Variants in RALGPS2 observed in about 807,000 individuals in gnomAD.
RALGPS2 encodes ras-specific guanine nucleotide-releasing factor RalGPS2.
A neutral mutation model predicts 86.8 loss-of-function variants in RALGPS2; 43 were observed. That is an observed-to-expected ratio of 0.50 (90% confidence interval 0.39 to 0.64). RALGPS2 has a LOEUF of 0.64. RALGPS2 is among the 30% of genes least tolerant of loss of function. RALGPS2 has a pLI of 0.00. For missense variants in RALGPS2, 536 were observed against 694.6 expected (o/e 0.77, Z 2.57); for synonymous variants, 243 against 231.3 (o/e 1.05, Z -0.46).
chr1:178,831,579 G>A (rs1211462460), intron 7 of RALGPS2, among the ~76,000 whole-genome samples: 3 of 151,964 alleles, frequency 2.0e-5, no homozygotes, highest in Non-Finnish European at 4.4e-5. Context: ...TGCTCTTGGT[G>A]CCAAGGACAT....
chr1:178,889,280 AT>A (rs1659619308), intron 13 of RALGPS2, among the ~76,000 whole-genome samples: 1 of 152,020 alleles, frequency 6.6e-6, no homozygotes, highest in Admixed American at 6.6e-5. Flanking sequence ...ATCGTCAAGG[AT>A]TTTATAATTA....
In RALGPS2 at chr1:178,783,698, T is replaced by C. The variant is rs544667565; in HGVS notation, c.58-720T>C. Among the ~76,000 whole-genome samples, 3 of 152,310 alleles carry C rather than the reference T, an allele frequency of 2.0e-5. No individual in the cohort carries two copies. In the South Asian group the frequency reaches 6.2e-4, roughly 32 times the overall value. ...TATCCTACCACCATTTAATAGAGCC[T>C]GATCTAAATATTCTCATATTGATGT... On this transcript the variant is annotated intron_variant, in intron 2 of 19. Transcript: ENST00000367635.
intron 1 of RALGPS2, chr1:178,747,892 C>T: frequency 1.8e-6 from 1 of 546,224 alleles, no homozygotes; most frequent in Non-Finnish European, 3.3e-6. Flanking sequence ...AATCAGTGAA[C>T]TAGCACTACC....
Position 178,864,983 on chromosome 1 carries a change from T to C in RALGPS2, c.608-12515T>C, listed in dbSNP as rs1269461549. 2 of 1,468,816 alleles carry C rather than the reference T, an allele frequency of 1.4e-6. No individual in the cohort carries two copies. The highest frequency in any genetic ancestry group is 1.4e-5 in the African/African-American group (1 of 70,936). The allele number at this position is 1,468,816 out of a possible 1,614,324, so 91.0% of individuals were successfully genotyped here. On this transcript the variant is annotated intron_variant, in intron 8 of 19. Transcript: ENST00000367635. ...ATTGATGAAAGTTACCGGTGGTATC[T>C]TGAAAGGGCTTTTGGTGGGAGAAGT...
chr1:178,770,860 C>T (rs1234735906), intron 1 of RALGPS2, among the ~76,000 whole-genome samples: 8 of 121,928 alleles, frequency 6.6e-5, no homozygotes, highest in African/African-American at 9.6e-5. Context: ...TTTTTTGAGA[C>T]GGAGTTTTGC....
intron 8 of RALGPS2, among the ~76,000 whole-genome samples, chr1:178,876,504 C>T (rs553928774): frequency 3.3e-5 from 5 of 151,854 alleles, no homozygotes; most frequent in Admixed American, 6.6e-5. Context: ...ATATTGACAC[C>T]GAATTAGATA....
chr1:178,815,852 C>G (rs1319159824), intron 6 of RALGPS2, among the ~76,000 whole-genome samples: 1 of 152,196 alleles, frequency 6.6e-6, no homozygotes, highest in Non-Finnish European at 1.5e-5. Context: ...CTACAGAAAG[C>G]TATTACTTGT....
intron 19 of RALGPS2, among the ~76,000 whole-genome samples, chr1:178,911,330 G>A (rs1434629218): frequency 6.6e-6 from 1 of 151,698 alleles, no homozygotes; most frequent in Non-Finnish European, 1.5e-5. Flanking sequence ...TGTTTTTCTA[G>A]TTCCTCAAGG....
chr1:178,867,518 CA>C (rs1267572479), intron 8 of RALGPS2, among the ~76,000 whole-genome samples: 4 of 152,036 alleles, frequency 2.6e-5, no homozygotes, highest in Non-Finnish European at 5.9e-5. Context: ...AAATGGGATT[CA>C]AACCTTCTAC....
chr1:178,893,266 AC>A (rs1337129321), intron 15 of RALGPS2, among the ~76,000 whole-genome samples: 1 of 151,456 alleles, frequency 6.6e-6, no homozygotes, highest in African/African-American at 2.4e-5. Context: ...TTTAAAAGAT[AC>A]ATGAAAAGGA....
At chr1:178,824,276 A>G (rs927939348) in intron 7 of RALGPS2, among the ~76,000 whole-genome samples, 11 of 152,138 alleles carry the variant, frequency 7.2e-5, no homozygotes. Context: ...ATTTTACTGT[A>G]AAGGGCTGCA....
intron 12 of RALGPS2, 135 bp downstream of exon 12, chr1:178,885,346 A>G (rs1659438096): frequency 5.8e-6 from 5 of 863,438 alleles, no homozygotes; most frequent in Non-Finnish European, 8.4e-6. Flanking sequence ...CTGATTCAGT[A>G]AAATGCCTTG....
chr1:178,835,514 TCC>T (rs1656232424), intron 8 of RALGPS2, among the ~76,000 whole-genome samples: 1 of 149,904 alleles, frequency 6.7e-6, no homozygotes, highest in African/African-American at 2.4e-5. Flanking sequence ...TGCCTCAGCC[TCC>T]CAGGTAGCTG....
chr1:178,738,666 A>G (rs1417264174), intron 1 of RALGPS2, among the ~76,000 whole-genome samples: 1 of 152,248 alleles, frequency 6.6e-6, no homozygotes, highest in Non-Finnish European at 1.5e-5. Context: ...TTAAGGATAG[A>G]CAATGGTTAT....
At chr1:178,781,259 A>G (rs1282235639) in intron 2 of RALGPS2, among the ~76,000 whole-genome samples, 2 of 152,174 alleles carry the variant, frequency 1.3e-5, no homozygotes, top group Non-Finnish European at 2.9e-5. Flanking sequence ...TGGCAAGAAA[A>G]TAAAATTAAA....
chr1:178,841,041 A>G (rs2102268085), intron 8 of RALGPS2, among the ~76,000 whole-genome samples: 1 of 152,336 alleles, frequency 6.6e-6, no homozygotes, highest in South Asian at 2.1e-4. Context: ...CCAGGACCAG[A>G]TGGATTCACA....
chr1:178,894,186 A>G (rs1572458716), intron 16 of RALGPS2, 162 bp downstream of exon 16: 1 of 499,538 alleles, frequency 2.0e-6, no homozygotes, highest in Non-Finnish European at 3.5e-6. Flanking sequence ...ATCCATTCCA[A>G]GATCCCCCGG....
intron 19 of RALGPS2, among the ~76,000 whole-genome samples, chr1:178,911,602 G>T (rs1660629117): frequency 6.6e-6 from 1 of 152,080 alleles, no homozygotes; most frequent in Admixed American, 6.5e-5. Flanking sequence ...CAATTTTTTT[G>T]AATATGTTGG....
chr1:178,853,848 T>C lies in RALGPS2; in HGVS notation c.607+20298T>C, dbSNP rs1657350098. The C allele has an allele frequency of 1.2e-5, 17 of 1,365,660 alleles. No individual in the cohort carries two copies. The South Asian group carries it at 3.0e-4, about 24-fold the overall frequency. 84.6% of individuals were successfully genotyped at this position (1,365,660 alleles called of 1,614,324 possible). ...AATATGAGAAGAGACATGTTAAAAG[T>C]TTTTAATCAAGATTTTTACCTTTGT... On this transcript the variant is annotated intron_variant, in intron 8 of 19. Transcript: ENST00000367635.
Sources: gnomAD v4.1 joint callset for allele counts (sites outside exome capture counted in the v4.1 genomes callset) on GRCh38, gnomAD v4.1.1 for gene constraint, MANE v1.5 for transcripts, NCBI Gene and HGNC (gene_info 2026-07-23, HGNC 2026-07-21) for gene names.